Variants in CBX7 observed in about 807,000 individuals in gnomAD.
CBX7 encodes the protein chromobox 7, also known as chromobox protein homolog 7.
Under a neutral mutation model 31.4 loss-of-function variants are expected in CBX7, and 14 were observed. The ratio of observed to expected loss-of-function variants is 0.45; its 90% confidence interval spans 0.29 to 0.70. The LOEUF (loss-of-function observed/expected upper bound fraction) is 0.70. Among genes scored for constraint, CBX7 ranks in the 30% least tolerant of loss-of-function variants. The pLI, the probability that CBX7 is intolerant of heterozygous loss-of-function variation, is 0.11. For missense variants in CBX7, 269 were observed against 351.9 expected, an observed-to-expected ratio of 0.76 and a Z score of 1.89; for synonymous variants, 159 against 152.6, an observed-to-expected ratio of 1.04 and a Z score of -0.31.
intron 2 of CBX7, among the ~76,000 whole-genome samples, chr22:39,141,743 TAAAAA>T (rs139392): frequency 8.2e-6 from 1 of 122,434 alleles, no homozygotes; most frequent in Non-Finnish European, 1.8e-5. Flanking sequence ...AGTAAGACTC[TAAAAA>T]AAAAAAAAAA....
intron 2 of CBX7, among the ~76,000 whole-genome samples, chr22:39,142,211 TC>T (rs764462239): frequency 2.0e-5 from 3 of 152,172 alleles, no homozygotes; most frequent in Non-Finnish European, 4.4e-5. Flanking sequence ...AGATGTGTAT[TC>T]CAAGTGTTTA....
At position 39,152,270 on chromosome 22, in the gene CBX7, G is replaced by A; in HGVS notation, c.69+106C>T. ...GGGCCCAGCAGCGCAGGGCTGCCGGGGCCCCCGCGCCCCGCTTTCCCCTTC... is the reference window on the plus strand; with the variant it reads ...GGGCCCAGCAGCGCAGGGCTGCCGGAGCCCCCGCGCCCCGCTTTCCCCTTC... On this transcript the variant is annotated intron_variant, in intron 1 of 5. Transcript: ENST00000216133. This position sits in a 1 kb window ranked among gnomAD's most constrained non-coding sequence, Gnocchi z 4.9. 1.6e-6 allele frequency: 1 copy of A among 629,392 alleles called. No homozygotes were observed. The highest frequency in any genetic ancestry group is 2.2e-6 in the Non-Finnish European group (1 of 455,264). 39.0% of individuals were successfully genotyped at this position (629,392 alleles called of 1,614,324 possible).
intron 2 of CBX7, among the ~76,000 whole-genome samples, chr22:39,145,496 G>A (rs1422662724): frequency 2.0e-5 from 3 of 152,162 alleles, no homozygotes; most frequent in South Asian, 2.1e-4. Flanking sequence ...AGGGGAGGGA[G>A]AGTGGAAAGG....
intron 5 of CBX7, 79 bp from the exon 6 acceptor site, chr22:39,134,127 C>A (rs139385): frequency 0.44 from 608,776 of 1,394,980 alleles, 136,234 homozygotes; most frequent in African/African-American, 0.55. Context: ...GACCCCAACT[C>A]CAGCTCCTCC....
At chr22:39,136,929 C>A (rs375479195) in intron 4 of CBX7, among the ~76,000 whole-genome samples, 5 of 152,194 alleles carry the variant, frequency 3.3e-5, no homozygotes, top group African/African-American at 1.2e-4. Context: ...AGGCCCACCC[C>A]CTCTGGCGAA....
At position 39,134,734 on chromosome 22, in the gene CBX7, G is replaced by A; in HGVS notation, c.265C>T (p.Leu89=). The A allele has an allele frequency of 6.4e-7, 1 of 1,553,312 alleles. No individual in the cohort carries two copies. The highest frequency in any genetic ancestry group is 8.7e-7 in the Non-Finnish European group (1 of 1,146,208). The stretch of plus-strand genomic sequence containing the variant: ...CCCTTGGCCTTGTGGGAGCTCCGCA[G>A]GTCCATGCTGTACAGCCGCTGCGGG... ...LLLQRLYSMD[L]RSSHKAKGKE... The change falls in exon 5 of 6, where the codon CTG becomes TTG. Residue 89 remains leucine, a synonymous_variant. Coordinates refer to ENST00000216133, the MANE Select transcript of CBX7 (RefSeq NM_175709.5).
At chr22:39,134,260 G>A in intron 5 of CBX7, 141 bp downstream of exon 5, 1 of 876,354 alleles carries the variant, frequency 1.1e-6, no homozygotes, top group Non-Finnish European at 1.7e-6. Context: ...GAGGAGCCCT[G>A]GGCTAGTGTT....
At position 39,134,462 on chromosome 22, in the gene CBX7, G is replaced by A; in HGVS notation, c.537C>T (p.Ala179=). The stretch of plus-strand genomic sequence containing the variant: ...CGCCAGCCGCCTGCAGGACGTCTGG[G>A]GCCGGTGGCTCCTGCAGGAAGAGCT... ...RRELFLQEPP[A]PDVLQAAGEW... is the part of the protein sequence containing the mutation. The change falls in exon 5 of 6, where the codon GCC becomes GCT. Residue 179 remains alanine, a synonymous_variant. Transcript: ENST00000216133. 1.2e-6 allele frequency: 2 copies of A among 1,608,052 alleles called. No individual in the cohort carries two copies. The highest frequency in any genetic ancestry group is 1.7e-6 in the Non-Finnish European group (2 of 1,179,802).
At chr22:39,148,743 C>T (rs1280923791) in intron 2 of CBX7, 3 of 152,352 alleles carry the variant, frequency 2.0e-5, no homozygotes, top group Non-Finnish European at 2.9e-5. Context: ...GCCTTTCATC[C>T]GATAGGGCCA....
chr22:39,152,231 C>T lies in CBX7; in HGVS notation c.69+145G>A. The T allele has an allele frequency of 3.1e-6, 1 of 319,730 alleles. No individual in the cohort carries two copies. The highest frequency in any genetic ancestry group is 5.4e-6 in the Non-Finnish European group (1 of 185,842). The allele number at this position is 319,730 out of a possible 1,614,324, so 19.8% of individuals were successfully genotyped here. On this transcript the variant is annotated intron_variant, in intron 1 of 5. Coordinates refer to ENST00000216133, the MANE Select transcript of CBX7 (RefSeq NM_175709.5). The surrounding 1 kb of genome is among the most constrained non-coding windows in gnomAD (Gnocchi z 4.9). The stretch of plus-strand genomic sequence containing the variant: ...ACACGGTGGCAGGGAAACTGAGGCA[C>T]GGGCTGGGGAGACGGGCCCAGCAGC...
chr22:39,137,682 T>G (rs946190940), intron 4 of CBX7, among the ~76,000 whole-genome samples: 1 of 151,530 alleles, frequency 6.6e-6, no homozygotes, highest in African/African-American at 2.4e-5. Context: ...AGACTCAACC[T>G]GTGACTGCAC....
chr22:39,140,092 C>G (rs1930400890), intron 3 of CBX7, among the ~76,000 whole-genome samples: 1 of 152,200 alleles, frequency 6.6e-6, no homozygotes, highest in South Asian at 2.1e-4. Flanking sequence ...CTCTGCAGCC[C>G]CCAGTACAGA....
At position 39,141,391 on chromosome 22, in the gene CBX7, G is replaced by A. The variant is rs776795309; in HGVS notation, c.159C>T (p.Leu53=). 6 of 1,612,254 alleles carry A rather than the reference G, an allele frequency of 3.7e-6. No homozygotes were observed. In the African/African-American group the frequency reaches 5.3e-5, roughly 14 times the overall value. ...CGTACTTCTCCTCGTAGGCCATGACGAGGCGGGGGTCCAAGATGTGCTCTT... is the reference window on the plus strand; with the variant it reads ...CGTACTTCTCCTCGTAGGCCATGACAAGGCGGGGGTCCAAGATGTGCTCTT... ...EPEEHILDPR[L]VMAYEEKEER... is the part of the protein sequence containing the mutation. The change falls in exon 3 of 6, where the codon CTC becomes CTT. Residue 53 remains leucine (L), a synonymous_variant. Transcript: ENST00000216133.
chr22:39,147,019 G>A (rs2146369178), intron 2 of CBX7: 1 of 146,084 alleles, frequency 6.8e-6, no homozygotes, highest in East Asian at 2.1e-4. Context: ...TGCCACACTT[G>A]TTTGCTGGGG....
At chr22:39,148,683 C>T (rs1174682510) in intron 2 of CBX7, 1 of 152,468 alleles carries the variant, frequency 6.6e-6, no homozygotes, top group Non-Finnish European at 1.5e-5. Context: ...CTGCCAGCTC[C>T]CAACCCCTGT....
rs1930450099 is a variant in CBX7, at chr22:39,141,380, T to A, written c.170A>T (p.Tyr57Phe). 1.2e-6 allele frequency: 2 copies of A among 1,612,148 alleles called. No individual in the cohort carries two copies. The highest frequency in any genetic ancestry group is 4.5e-5 in the East Asian group (2 of 44,802). ...GCCGAGGACACCGTACTTCTCCTCG[T>A]AGGCCATGACGAGGCGGGGGTCCAA... ...HILDPRLVMA[Y>F]EEKEERDRAS... is the part of the protein sequence containing the mutation. The change falls in exon 3 of 6, where the codon TAC (tyrosine) becomes TTC (phenylalanine). Residue 57 changes from tyrosine to phenylalanine, a missense_variant. Tyr to Phe is a conservative substitution (Grantham distance 22). Coordinates refer to ENST00000216133, the MANE Select transcript of CBX7 (RefSeq NM_175709.5).
In CBX7 at chr22:39,134,535, T is replaced by G. The variant is rs771568603; in HGVS notation, c.464A>C (p.Lys155Thr). The change falls in exon 5 of 6, where the codon AAG (lysine) becomes ACG (threonine). Residue 155 changes from lysine (K) to threonine (T), a missense_variant. This residue lies in a region of CBX7 where 222 missense variants were observed against 240.4 expected (regional missense o/e 0.92). Coordinates refer to ENST00000216133, the MANE Select transcript of CBX7 (RefSeq NM_175709.5). ...AHKYLRLSRK[K>T]FPPRGPNLES... ...CAGGTTGGGCCCGCGGGGCGGGAAC[T>G]TCTTGCGCGAGAGCCGCAGGTACTT... 8.7e-6 allele frequency: 14 copies of G among 1,611,174 alleles called. No homozygotes were observed. In the South Asian group the frequency reaches 1.1e-4, roughly 13 times the overall value.
At chr22:39,143,384 ATGTT>A (rs915966807) in intron 2 of CBX7, among the ~76,000 whole-genome samples, 26 of 152,204 alleles carry the variant, frequency 1.7e-4, no homozygotes, top group African/African-American at 6.0e-4. Flanking sequence ...ACAGCCATAC[ATGTT>A]TATGTTTTAA....
chr22:39,151,639 C>G (rs1277597605), intron 1 of CBX7, among the ~76,000 whole-genome samples: 1 of 152,210 alleles, frequency 6.6e-6, no homozygotes, highest in Non-Finnish European at 1.5e-5. Flanking sequence ...CTTAGGCGAG[C>G]CCCCTCGCCA....
Sources: gnomAD v4.1 joint callset for allele counts (sites outside exome capture counted in the v4.1 genomes callset) on GRCh38, gnomAD v4.1.1 for gene constraint, gnomAD v4.1.1 regional missense constraint, Gnocchi (gnomAD v3.1) non-coding constraint, MANE v1.5 for transcripts, NCBI Gene and HGNC (gene_info 2026-07-23, HGNC 2026-07-21) for gene names.